Variants in MRS2 observed in about 807,000 individuals in gnomAD.
MRS2 encodes magnesium transporter MRS2 homolog, mitochondrial.
A neutral mutation model predicts 52.6 loss-of-function variants in MRS2; 40 were observed. The observed-to-expected ratio is 0.76, with a 90% CI of 0.59 to 0.99. The LOEUF is 0.99. Among genes scored for constraint, MRS2 ranks in the 50% least tolerant of loss-of-function variants. The probability of loss-of-function intolerance (pLI) is 0.00; values close to 1 mark genes in which losing one functional copy is unlikely to be tolerated. For missense variants in MRS2, 472 were observed against 532.7 expected, an observed-to-expected ratio of 0.89 and a Z score of 1.12; for synonymous variants, 193 against 195.9, an observed-to-expected ratio of 0.98 and a Z score of 0.13.
intron 5 of MRS2, among the ~76,000 whole-genome samples, chr6:24,412,742 GCA>G (rs374764220): frequency 9.2e-5 from 14 of 152,238 alleles, no homozygotes; most frequent in African/African-American, 3.4e-4. Context: ...TAGGAATCAC[GCA>G]CAGTTCTTCC....
intron 7 of MRS2, among the ~76,000 whole-genome samples, chr6:24,417,160 G>T (rs1761880694): frequency 6.6e-6 from 1 of 152,112 alleles, no homozygotes; most frequent in South Asian, 2.1e-4. Flanking sequence ...AGATAAAGGG[G>T]GCTATATAAC....
rs1401321601 is a variant in MRS2 at position 24,405,404 on chromosome 6, AT to A, written c.264+166del. ...GGCCAGTGACCTAAGTGCCTGCTAG[AT>A]TTGCTTAACAATGATCTTGAACCTT... is the stretch of plus-strand genomic sequence containing the variant. On this transcript the variant is annotated intron_variant, in intron 2 of 10. Coordinates refer to ENST00000378386, the MANE Select transcript of MRS2 (RefSeq NM_020662.4). Among the ~76,000 whole-genome samples the A allele has an allele frequency of 6.6e-5, 10 of 152,274 alleles. No homozygotes were observed. In the East Asian group the frequency reaches 1.9e-3, roughly 29 times the overall value.
intron 9 of MRS2, among the ~76,000 whole-genome samples, chr6:24,422,501 ATGTT>A (rs1432712890): frequency 8.5e-5 from 13 of 152,192 alleles, no homozygotes; most frequent in African/African-American, 3.1e-4. Flanking sequence ...AAAATTTATT[ATGTT>A]ACAGATTCCT....
intron 2 of MRS2, among the ~76,000 whole-genome samples, chr6:24,405,451 CTTTTAAT>C (rs1291893904): frequency 6.6e-6 from 1 of 152,126 alleles, no homozygotes; most frequent in Non-Finnish European, 1.5e-5. Flanking sequence ...TGCAGCTCCC[CTTTTAAT>C]ACTAGAACAG....
intron 2 of MRS2, among the ~76,000 whole-genome samples, chr6:24,408,132 C>G (rs966541670): frequency 1.3e-5 from 2 of 152,126 alleles, no homozygotes; most frequent in African/African-American, 4.8e-5. Flanking sequence ...CTAGTAACAA[C>G]ACAACTGATA....
chr6:24,404,033 T>C (rs1183491050), intron 1 of MRS2, among the ~76,000 whole-genome samples: 2 of 152,242 alleles, frequency 1.3e-5, no homozygotes, highest in Admixed American at 1.3e-4. Context: ...AGTGCAAATA[T>C]TTGAGGAATA....
At chr6:24,411,871 T>TG (rs1190748146) in intron 4 of MRS2, among the ~76,000 whole-genome samples, 6 of 151,088 alleles carry the variant, frequency 4.0e-5, no homozygotes, top group African/African-American at 1.5e-4. Flanking sequence ...TTTTTTTTGT[T>TG]TTTGTTTTTT....
chr6:24,416,334 C>G, intron 6 of MRS2, 63 bp from the exon 7 acceptor site: 1 of 691,560 alleles, frequency 1.4e-6, no homozygotes. Flanking sequence ...TCTAAAAACA[C>G]TATTATGAAA....
intron 9 of MRS2, 164 bp downstream of exon 9, chr6:24,418,742 T>C: frequency 3.9e-6 from 2 of 509,806 alleles, no homozygotes; most frequent in Non-Finnish European, 7.1e-6. Flanking sequence ...CTACTAAAAA[T>C]ACAAAAATTA....
At chr6:24,415,334 G>A (rs1042423753) in intron 6 of MRS2, among the ~76,000 whole-genome samples, 171 bp downstream of exon 6, 1 of 152,196 alleles carries the variant, frequency 6.6e-6, no homozygotes, top group Non-Finnish European at 1.5e-5. Flanking sequence ...TGCATGAAAT[G>A]TCATGTAAGG....
Position 24,408,320 on chromosome 6 carries a change from A to G in MRS2, c.265-88A>G. The stretch of plus-strand genomic sequence containing the variant: ...ACATTTTGGGGATATTACTTACAAT[A>G]CCATAAATTCTTAACTAAATTAGCA... On this transcript the variant is annotated intron_variant, in intron 2 of 10. Transcript: ENST00000378386. 3 of 844,414 alleles carry G rather than the reference A, an allele frequency of 3.6e-6. No homozygotes were observed. The South Asian group carries it at 4.6e-5, about 13-fold the overall frequency. 52.3% of individuals were successfully genotyped at this position (844,414 alleles called of 1,614,324 possible).
Position 24,412,335 on chromosome 6 carries a change from A to G in MRS2, c.528A>G (p.Gln176=). 1 of 1,598,628 alleles carries G rather than the reference A, an allele frequency of 6.3e-7. No individual in the cohort carries two copies. Among genetic ancestry groups the G allele is most frequent in the East Asian group, 2.3e-5 (1 of 43,920 alleles). ...CTTCACAGTTGTCTGGAGAGGGTCAACTCGTTACATACCCTTTACCTTTTG... is the reference window on the plus strand; with the variant it reads ...CTTCACAGTTGTCTGGAGAGGGTCAGCTCGTTACATACCCTTTACCTTTTG... The part of the protein sequence containing the change: ...ELPSQLSGEG[Q]LVTYPLPFEF... The change falls in exon 5 of 11, where the codon CAA becomes CAG. Residue 176 remains glutamine (Q), a synonymous_variant. Coordinates refer to ENST00000378386, the MANE Select transcript of MRS2 (RefSeq NM_020662.4).
rs3761788 is a variant in MRS2 at position 24,415,152 on chromosome 6, G to A, written c.708G>A (p.Gln236=). ...GAAGCAAACTGCACATTTTACTACA[G>A]AATGGCAAAAGGTAAATATGGATGA... ...VDRSKLHILL[Q]NGKSLSELET... The change falls in exon 6 of 11, where the codon CAG becomes CAA. Residue 236 remains glutamine (Q), a synonymous_variant. Transcript: ENST00000378386. 101,103 of 1,588,986 alleles carry A rather than the reference G, an allele frequency of 0.064. 3,928 individuals carry two copies. The highest frequency in any genetic ancestry group is 0.077 in the Non-Finnish European group (89,869 of 1,161,076).
chr6:24,402,957 G>GT lies in MRS2; in HGVS notation c.-89dup, dbSNP rs1761325634. The GT allele has an allele frequency of 1.6e-6, 2 of 1,265,142 alleles. No homozygotes were observed. Among genetic ancestry groups the GT allele is most frequent in the Non-Finnish European group, 2.1e-6 (2 of 930,260 alleles). The allele number at this position is 1,265,142 out of a possible 1,614,324, so 78.4% of individuals were successfully genotyped here. On this transcript the variant is annotated 5_prime_UTR_variant, in exon 1 of 11. Coordinates refer to ENST00000378386, the MANE Select transcript of MRS2 (RefSeq NM_020662.4). Reference sequence around the variant, plus strand: ...GTGCACAGAGTCTGCAGGTCGGGCGGTAGCGACAGGTCAGAGCTGCGGCCT... The same window carrying GT: ...GTGCACAGAGTCTGCAGGTCGGGCGGTTAGCGACAGGTCAGAGCTGCGGCCT...
At chr6:24,412,750 C>T (rs2127289724) in intron 5 of MRS2, among the ~76,000 whole-genome samples, 1 of 152,284 alleles carries the variant, frequency 6.6e-6, no homozygotes, top group South Asian at 2.1e-4. Flanking sequence ...ACGCACAGTT[C>T]TTCCAGTGAC....
At chr6:24,411,997 G>GA (rs67011833) in intron 4 of MRS2, among the ~76,000 whole-genome samples, 18,074 of 139,246 alleles carry the variant, frequency 0.13, 1,780 homozygotes, top group East Asian at 0.48. Flanking sequence ...CTTTTCTTTT[G>GA]AAAAAAAAAA....
At chr6:24,421,625 ATACTT>A (rs1238937347) in intron 9 of MRS2, among the ~76,000 whole-genome samples, 3 of 152,232 alleles carry the variant, frequency 2.0e-5, no homozygotes, top group Middle Eastern at 3.2e-3. Context: ...CTTTGCTAGC[ATACTT>A]TATTCTCTAA....
chr6:24,420,141 AG>A (rs1761995396), intron 9 of MRS2, among the ~76,000 whole-genome samples: 1 of 152,214 alleles, frequency 6.6e-6, no homozygotes. Context: ...TCTTGTGGGT[AG>A]CCACTTGTTA....
Position 24,424,755 on chromosome 6 carries a change from C to CCTCTACCAATGTAATTAT in MRS2, c.*1061_*1062insCTCTACCAATGTAATTAT, listed in dbSNP as rs1762171283. On this transcript the variant is annotated 3_prime_UTR_variant, in exon 11 of 11. Transcript: ENST00000378386. ...GATTCTAGAGTGTCCAGCTCTTGCA[C>CCTCTACCAATGTAATTAT]TACAAATGTAATAATAACAGAATAA... The CCTCTACCAATGTAATTAT allele has an allele frequency of 6.6e-6, 1 of 152,148 alleles. No homozygotes were observed. Among genetic ancestry groups the CCTCTACCAATGTAATTAT allele is most frequent in the African/African-American group, 2.4e-5 (1 of 41,412 alleles). The allele number at this position is 152,148 out of a possible 1,614,324, so 9.4% of individuals were successfully genotyped here. A position where few individuals can be genotyped will look rare whatever the true frequency, so the allele number is the denominator to read the frequency against.
Sources: allele counts gnomAD v4.1 joint callset (sites outside exome capture counted in the v4.1 genomes callset), GRCh38; gene constraint gnomAD v4.1.1; transcripts MANE v1.5; gene names NCBI Gene and HGNC (gene_info 2026-07-23, HGNC 2026-07-21).